Variants in CDK14 observed in about 807,000 individuals in gnomAD.
The protein encoded by CDK14 is cyclin-dependent kinase 14.
In CDK14, 34 loss-of-function variants were observed where a neutral mutation model predicts 60.7. The observed-to-expected ratio is 0.56, with a 90% CI of 0.43 to 0.75. The LOEUF is 0.75. Among genes scored for constraint, CDK14 ranks in the 30% least tolerant of loss-of-function variants. The probability of loss-of-function intolerance (pLI) is 0.00; values close to 1 mark genes in which losing one functional copy is unlikely to be tolerated. For missense variants in CDK14, 482 were observed against 564.1 expected (o/e 0.85, Z 1.47); for synonymous variants, 197 against 203.7 (o/e 0.97, Z 0.28).
chr7:91,173,082 G>C (rs955591029), intron 14 of CDK14, among the ~76,000 whole-genome samples: 2 of 152,214 alleles, frequency 1.3e-5, no homozygotes, highest in African/African-American at 4.8e-5. Flanking sequence ...AATGTCATCT[G>C]TCCCCATCTT....
intron 11 of CDK14, among the ~76,000 whole-genome samples, chr7:91,064,946 C>G (rs1056183265): frequency 1.3e-5 from 2 of 152,146 alleles, no homozygotes; most frequent in Non-Finnish European, 2.9e-5. Context: ...GAGAAGTAGT[C>G]TATGACTTTT....
chr7:90,762,382 T>C (rs543279828), intron 4 of CDK14, among the ~76,000 whole-genome samples: 1 of 152,292 alleles, frequency 6.6e-6, no homozygotes, highest in South Asian at 2.1e-4. Context: ...TAAGTAGGTG[T>C]GAATTTTTGC....
chr7:90,827,877 C>T (rs1584018987), intron 5 of CDK14, among the ~76,000 whole-genome samples: 1 of 152,182 alleles, frequency 6.6e-6, no homozygotes, highest in East Asian at 1.9e-4. Context: ...TCTTGTAAAC[C>T]CAATAAAACA....
chr7:90,838,860 C>T (rs905412084), intron 5 of CDK14, among the ~76,000 whole-genome samples: 1 of 152,274 alleles, frequency 6.6e-6, no homozygotes, highest in Middle Eastern at 3.4e-3. Flanking sequence ...TCGCCCTTGC[C>T]TTGTGGTCTT....
chr7:90,949,488 C>T (rs934249082), intron 8 of CDK14, among the ~76,000 whole-genome samples: 1 of 152,076 alleles, frequency 6.6e-6, no homozygotes, highest in Admixed American at 6.5e-5. Context: ...AGGCATGAGC[C>T]ACTGCGCCCG....
At chr7:90,649,989 G>A (rs1309162139) in intron 2 of CDK14, among the ~76,000 whole-genome samples, 1 of 152,138 alleles carries the variant, frequency 6.6e-6, no homozygotes, top group African/African-American at 2.4e-5. Flanking sequence ...TGAGATCACT[G>A]GGTCAAAAGG....
rs536717459 is a variant in CDK14, at chr7:90,619,873, G to A, written c.123+15624G>A. Reference sequence around the variant, plus strand: ...TTAGCTGGTGTGGTGGCCCAAGCCCGTAGTCCCAGCTACTTGGGAGGCTGA... The same window carrying A: ...TTAGCTGGTGTGGTGGCCCAAGCCCATAGTCCCAGCTACTTGGGAGGCTGA... On this transcript the variant is annotated intron_variant, in intron 2 of 14. Coordinates refer to ENST00000380050, the MANE Select transcript of CDK14 (RefSeq NM_001287135.2). 3.0e-4 allele frequency among the ~76,000 whole-genome samples: 46 copies of A among 152,316 alleles called. 1 individual carries two copies. The highest frequency in any genetic ancestry group is 6.0e-4 in the African/African-American group (25 of 41,568).
Position 91,172,250 on chromosome 7 carries a change from G to A in CDK14, c.*29-34915G>A, listed in dbSNP as rs117969052. The stretch of plus-strand genomic sequence containing the variant: ...TTCATATCCATTATTTATTATTTGC[G>A]TAGTTGCCCAAGCTAGAAAGCTCAG... On this transcript the variant is annotated intron_variant, in intron 14 of 14. Coordinates refer to ENST00000380050, the MANE Select transcript of CDK14 (RefSeq NM_001287135.2). 6.7e-3 allele frequency among the ~76,000 whole-genome samples: 1,023 copies of A among 152,248 alleles called. 3 individuals carry two copies. Among genetic ancestry groups the A allele is most frequent in the Non-Finnish European group, 0.011 (742 of 68,016 alleles).
chr7:90,669,864 G>T (rs1174081281), intron 2 of CDK14, among the ~76,000 whole-genome samples: 2 of 152,188 alleles, frequency 1.3e-5, no homozygotes, highest in East Asian at 1.9e-4. Flanking sequence ...ACAAATGCAA[G>T]AATTGATATA....
At chr7:90,845,715 CT>C (rs1250382051) in intron 5 of CDK14, among the ~76,000 whole-genome samples, 1 of 151,980 alleles carries the variant, frequency 6.6e-6, no homozygotes, top group African/African-American at 2.4e-5. Context: ...CAATGCTAAC[CT>C]TTTAATAGGC....
At chr7:90,785,736 G>A (rs1481277167) in intron 4 of CDK14, among the ~76,000 whole-genome samples, 1 of 141,668 alleles carries the variant, frequency 7.1e-6, no homozygotes, top group Non-Finnish European at 1.5e-5. Flanking sequence ...ACAGTGAGCT[G>A]AGATCATGCC....
chr7:90,703,415 T>G (rs1801831196), intron 2 of CDK14, among the ~76,000 whole-genome samples: 1 of 152,108 alleles, frequency 6.6e-6, no homozygotes, highest in Non-Finnish European at 1.5e-5. Context: ...CTGCTTAGGG[T>G]GTAAAAATGA....
intron 2 of CDK14, among the ~76,000 whole-genome samples, chr7:90,724,282 A>G (rs1259205993): frequency 6.6e-6 from 1 of 151,924 alleles, no homozygotes; most frequent in Non-Finnish European, 1.5e-5. Flanking sequence ...CATTCCTGAT[A>G]GTAATATTGG....
intron 2 of CDK14, among the ~76,000 whole-genome samples, chr7:90,638,448 G>T (rs1800217269): frequency 6.6e-6 from 1 of 152,184 alleles, no homozygotes; most frequent in African/African-American, 2.4e-5. Flanking sequence ...TAAGAATGTT[G>T]AATATTGGCC....
At chr7:91,034,267 TGAG>T (rs1236545766) in intron 10 of CDK14, among the ~76,000 whole-genome samples, 2 of 152,194 alleles carry the variant, frequency 1.3e-5, no homozygotes, top group Non-Finnish European at 2.9e-5. Context: ...TTAGAATCAC[TGAG>T]GAGGTTTAGA....
chr7:91,201,311 A>G (rs1379442438), intron 14 of CDK14, among the ~76,000 whole-genome samples: 1 of 152,200 alleles, frequency 6.6e-6, no homozygotes, highest in East Asian at 1.9e-4. Context: ...ATATTTACAA[A>G]GAAGTCTCCT....
At chr7:90,783,573 A>G (rs1479278126) in intron 4 of CDK14, among the ~76,000 whole-genome samples, 2 of 152,156 alleles carry the variant, frequency 1.3e-5, no homozygotes, top group African/African-American at 4.8e-5. Context: ...GCAAAAACAA[A>G]AATCCCCCCA....
chr7:91,119,675 A>G (rs1181448194), intron 14 of CDK14, among the ~76,000 whole-genome samples: 1 of 152,102 alleles, frequency 6.6e-6, no homozygotes, highest in Non-Finnish European at 1.5e-5. Context: ...ATCTTGAGCT[A>G]CTTCTGGACT....
intron 10 of CDK14, among the ~76,000 whole-genome samples, chr7:90,987,916 T>C (rs1435248023): frequency 6.6e-6 from 1 of 152,086 alleles, no homozygotes; most frequent in East Asian, 1.9e-4. Flanking sequence ...TCATGAAACA[T>C]GGGATTATTT....
Sources: allele counts gnomAD v4.1 joint callset (sites outside exome capture counted in the v4.1 genomes callset), GRCh38; gene constraint gnomAD v4.1.1; transcripts MANE v1.5; gene names NCBI Gene and HGNC (gene_info 2026-07-23, HGNC 2026-07-21).